The following CAMTA1 variants were observed in gnomAD, a reference collection of about 807,000 sequenced individuals.
CAMTA1 encodes calmodulin binding transcription activator 1, also known as calmodulin-binding transcription activator 1.
In CAMTA1, 27 loss-of-function variants were observed where a neutral mutation model predicts 170.9. That is an observed-to-expected ratio of 0.16 (90% confidence interval 0.12 to 0.22). CAMTA1 has a LOEUF of 0.22. CAMTA1 is among the 10% of genes least tolerant of loss of function. The pLI, the probability that CAMTA1 is intolerant of heterozygous loss-of-function variation, is 1.00. For synonymous variants in CAMTA1, 833 were observed against 891.5 expected (o/e 0.93, Z 1.17); for missense variants, 1,619 against 2,217.2 (o/e 0.73, Z 5.42).
chr1:7,391,683 C>G (rs780229516), intron 5 of CAMTA1, among the ~76,000 whole-genome samples: 8 of 152,140 alleles, frequency 5.3e-5, no homozygotes, highest in Non-Finnish European at 1.2e-4. Context: ...CGTACTCCAG[C>G]CTCTGGGAAT....
intron 3 of CAMTA1, among the ~76,000 whole-genome samples, chr1:7,083,708 G>C (rs1404768669): frequency 1.3e-5 from 2 of 152,218 alleles, no homozygotes; most frequent in Admixed American, 6.5e-5. Flanking sequence ...AGTGCAGCGA[G>C]TGGTGGATTC....
chr1:7,198,380 G>A (rs9803744), intron 4 of CAMTA1, among the ~76,000 whole-genome samples: 12,499 of 151,910 alleles, frequency 0.082, 1,600 homozygotes, highest in African/African-American at 0.28. Flanking sequence ...CTGGAATCAC[G>A]TGGTGTGAGT....
chr1:7,133,984 A>G (rs1015810584), intron 4 of CAMTA1, among the ~76,000 whole-genome samples: 2 of 152,124 alleles, frequency 1.3e-5, no homozygotes, highest in African/African-American at 4.8e-5. Flanking sequence ...AGGTTTGGGT[A>G]TGGATCCCAC....
At chr1:6,940,838 C>T (rs562806508) in intron 3 of CAMTA1, among the ~76,000 whole-genome samples, 92 of 16,160 alleles carry the variant, frequency 5.7e-3, no homozygotes, top group South Asian at 9.4e-3. Flanking sequence ...CTGCCAAGGC[C>T]GGGCTCAGCA....
Position 7,215,447 on chromosome 1 carries a change from G to A in CAMTA1, c.303-34044G>A, listed in dbSNP as rs143835526. Among the ~76,000 whole-genome samples the A allele has an allele frequency of 2.7e-3, 408 of 152,330 alleles. 1 individual carries two copies. The highest frequency in any genetic ancestry group is 9.4e-3 in the African/African-American group (390 of 41,576). On this transcript the variant is annotated intron_variant, in intron 4 of 22. Transcript: ENST00000303635. The stretch of plus-strand genomic sequence containing the variant: ...CTCACTCTGTCGCCCAGGCTGGAGC[G>A]CAGTGGCGCGATCTCAGCCCACTGC...
chr1:7,662,860 G>A (rs2095972595), intron 8 of CAMTA1, among the ~76,000 whole-genome samples: 1 of 152,130 alleles, frequency 6.6e-6, no homozygotes, highest in Admixed American at 6.5e-5. Context: ...CTGGTTGCCA[G>A]GCCCCAGGGG....
At chr1:7,389,076 G>C (rs1358939695) in intron 5 of CAMTA1, among the ~76,000 whole-genome samples, 1 of 152,234 alleles carries the variant, frequency 6.6e-6, no homozygotes, top group Non-Finnish European at 1.5e-5. Flanking sequence ...GTCTGGCTCT[G>C]TGCCTGTCCC....
intron 3 of CAMTA1, among the ~76,000 whole-genome samples, chr1:6,931,329 AG>A (rs1417527898): frequency 6.6e-6 from 1 of 152,208 alleles, no homozygotes; most frequent in Non-Finnish European, 1.5e-5. Flanking sequence ...AAAAACAGGA[AG>A]GTGAATAGAA....
At chr1:7,204,965 G>A (rs1378180584) in intron 4 of CAMTA1, among the ~76,000 whole-genome samples, 1 of 150,908 alleles carries the variant, frequency 6.6e-6, no homozygotes, top group African/African-American at 2.4e-5. Context: ...AAGTAGCTGG[G>A]ACTACAGGTG....
At chr1:6,973,733 G>A (rs975440655) in intron 3 of CAMTA1, among the ~76,000 whole-genome samples, 1 of 152,124 alleles carries the variant, frequency 6.6e-6, no homozygotes, top group Non-Finnish European at 1.5e-5. Flanking sequence ...GGGTGACACC[G>A]ACCTTGTAAA....
rs1364727390 is a variant in CAMTA1 at position 7,542,842 on chromosome 1, TGTGTGTG to T, written c.510+74942_510+74948del. Reference sequence around the variant, plus strand: ...ACCACGCCTGGCCTAAAACACAGTGTGTGTGTGTGTGTGTGTGTGTGTGTGTGTGTGT... The same window carrying T: ...ACCACGCCTGGCCTAAAACACAGTGTTGTGTGTGTGTGTGTGTGTGTGTGT... On this transcript the variant is annotated intron_variant, in intron 6 of 22. Coordinates refer to ENST00000303635, the MANE Select transcript of CAMTA1 (RefSeq NM_015215.4). Among the ~76,000 whole-genome samples, 323 of 110,350 alleles carry T rather than the reference TGTGTGTG, an allele frequency of 2.9e-3. 1 individual carries two copies. Among genetic ancestry groups the T allele is most frequent in the African/African-American group, 9.8e-3 (258 of 26,198 alleles). The allele number at this position is 110,350 out of a possible 152,430, so 72.4% of individuals were successfully genotyped here.
rs192043206 is a variant in CAMTA1 at position 7,379,619 on chromosome 1, T to G, written c.439-88211T>G. On this transcript the variant is annotated intron_variant, in intron 5 of 22. Transcript: ENST00000303635. ...TCTCTGTCTATGGATTGTCTTCCTG[T>G]TGCGTCCTCATCGGGGCATTCTGGG... is the stretch of plus-strand genomic sequence containing the variant. 1.1e-4 allele frequency among the ~76,000 whole-genome samples: 17 copies of G among 152,356 alleles called. No homozygotes were observed. In the East Asian group the frequency reaches 3.1e-3, roughly 28 times the overall value.
intron 1 of CAMTA1, among the ~76,000 whole-genome samples, chr1:6,818,103 G>A (rs1646045056): frequency 6.6e-6 from 1 of 152,068 alleles, no homozygotes; most frequent in Non-Finnish European, 1.5e-5. Flanking sequence ...TTGGGAGGCC[G>A]AGGCTGGCAG....
chr1:7,575,686 G>A (rs555651565), intron 6 of CAMTA1, among the ~76,000 whole-genome samples: 91 of 152,360 alleles, frequency 6.0e-4, no homozygotes, highest in African/African-American at 2.1e-3. Context: ...GGCTCAGAGG[G>A]AAAGAGTGCA....
In CAMTA1 at chr1:7,620,292, C is replaced by T. The variant is rs1444865003; in HGVS notation, c.511-20108C>T. ...GGAGGCCAGATGTGCTGCTGAGCAT[C>T]CTCTATTGCACGGCACAGCCCCACA... On this transcript the variant is annotated intron_variant, in intron 6 of 22. Transcript: ENST00000303635. Among the ~76,000 whole-genome samples the T allele has an allele frequency of 2.0e-5, 3 of 152,194 alleles. No individual in the cohort carries two copies. In the East Asian group the frequency reaches 5.8e-4, roughly 29 times the overall value.
intron 6 of CAMTA1, among the ~76,000 whole-genome samples, chr1:7,586,926 G>A (rs932604403): frequency 6.6e-6 from 1 of 151,986 alleles, no homozygotes; most frequent in African/African-American, 2.4e-5. Flanking sequence ...GCTAGGGGAG[G>A]GGTTGTGCCA....
intron 5 of CAMTA1, among the ~76,000 whole-genome samples, chr1:7,427,196 C>T (rs976470188): frequency 3.9e-5 from 6 of 152,144 alleles, no homozygotes; most frequent in East Asian, 3.8e-4. Context: ...ATTAATGCTG[C>T]GATGACATCA....
intron 5 of CAMTA1, among the ~76,000 whole-genome samples, chr1:7,257,341 G>A (rs922413826): frequency 7.9e-5 from 12 of 152,174 alleles, no homozygotes; most frequent in African/African-American, 2.9e-4. Context: ...AGACACAGCA[G>A]GTCCCTCGCT....
Position 7,665,065 on chromosome 1 carries a change from G to A in CAMTA1, c.2518G>A (p.Ala840Thr), listed in dbSNP as rs1355733906. The part of the protein sequence containing the change: ...SLQLSSSEGG[A>T]STMAYMHVAE... Reference sequence around the variant, plus strand: ...GCAGCTGAGCAGCTCGGAGGGCGGGGCCAGCACCATGGCCTACATGCACGT... The same window carrying A: ...GCAGCTGAGCAGCTCGGAGGGCGGGACCAGCACCATGGCCTACATGCACGT... Residue 840 changes from alanine (A) to threonine (T), a missense_variant, in exon 9 of 23, where the codon GCC becomes ACC. Transcript: ENST00000303635. This position sits in a 1 kb window ranked among gnomAD's most constrained non-coding sequence, Gnocchi z 4.3. The A allele has an allele frequency of 6.4e-7, 1 of 1,568,426 alleles. No individual in the cohort carries two copies. The highest frequency in any genetic ancestry group is 1.8e-5 in the Admixed American group (1 of 55,634).
Sources: gnomAD v4.1 joint callset for allele counts (sites outside exome capture counted in the v4.1 genomes callset) on GRCh38, gnomAD v4.1.1 for gene constraint, Gnocchi (gnomAD v3.1) non-coding constraint, MANE v1.5 for transcripts, NCBI Gene and HGNC (gene_info 2026-07-23, HGNC 2026-07-21) for gene names.